ATP6V1C1: variants seen among roughly 807,000 people sequenced by gnomAD.
ATP6V1C1 encodes ATPase H+ transporting V1 subunit C1, also known as V-type proton ATPase subunit C 1.
Under a neutral mutation model 53.9 loss-of-function variants are expected in ATP6V1C1, and 45 were observed. That is an observed-to-expected ratio of 0.83 (90% CI 0.66 to 1.07). The LOEUF (loss-of-function observed/expected upper bound fraction) is 1.07, where lower values mean the gene tolerates loss of function less well. ATP6V1C1 is among the 50% of genes least tolerant of loss of function. The pLI, the probability that ATP6V1C1 is intolerant of heterozygous loss-of-function variation, is 0.00. For missense variants in ATP6V1C1, 315 were observed against 440.3 expected (o/e 0.72, Z 2.55); for synonymous variants, 153 against 155.2 (o/e 0.99, Z 0.11).
At chr8:103,054,330 TTA>T (rs1195664441) in intron 7 of ATP6V1C1, among the ~76,000 whole-genome samples, 1 of 152,056 alleles carries the variant, frequency 6.6e-6, no homozygotes, top group African/African-American at 2.4e-5. Flanking sequence ...GAAAAAATCT[TTA>T]TGACTGGTTA....
At chr8:103,038,884 G>A (rs1032532238) in intron 1 of ATP6V1C1, among the ~76,000 whole-genome samples, 3 of 152,174 alleles carry the variant, frequency 2.0e-5, no homozygotes, top group African/African-American at 7.2e-5. Context: ...ATCCTTGGAT[G>A]GCCAGTTAAG....
chr8:103,032,277 T>A (rs1416288635), intron 1 of ATP6V1C1, among the ~76,000 whole-genome samples: 2 of 152,196 alleles, frequency 1.3e-5, no homozygotes, highest in Non-Finnish European at 2.9e-5. Context: ...CTCCTGAACT[T>A]CATTAGTCCG....
chr8:103,025,728 C>A (rs1586305058), intron 1 of ATP6V1C1, among the ~76,000 whole-genome samples: 1 of 152,160 alleles, frequency 6.6e-6, no homozygotes, highest in South Asian at 2.1e-4. Context: ...GATAACACAT[C>A]TTGTGAGGGA....
intron 1 of ATP6V1C1, among the ~76,000 whole-genome samples, chr8:103,039,013 A>T (rs1486498572): frequency 6.6e-6 from 1 of 152,226 alleles, no homozygotes; most frequent in Non-Finnish European, 1.5e-5. Flanking sequence ...ATAAAGGTTT[A>T]ACTTCATCAG....
intron 8 of ATP6V1C1, among the ~76,000 whole-genome samples, chr8:103,061,047 C>A (rs1817387237): frequency 6.6e-6 from 1 of 152,204 alleles, no homozygotes; most frequent in South Asian, 2.1e-4. Flanking sequence ...TGATCTCAAG[C>A]AGTTCACACA....
At chr8:103,035,458 A>G (rs1223170546) in intron 1 of ATP6V1C1, among the ~76,000 whole-genome samples, 1 of 152,196 alleles carries the variant, frequency 6.6e-6, no homozygotes, top group Non-Finnish European at 1.5e-5. Context: ...AGGATTTCTC[A>G]GTAAGGTGGA....
chr8:103,045,672 T>TG (rs553126003), intron 3 of ATP6V1C1, among the ~76,000 whole-genome samples: 2,068 of 152,322 alleles, frequency 0.014, 17 homozygotes, highest in Middle Eastern at 0.024. Flanking sequence ...CCGGGCATGG[T>TG]GGCTCACGCC....
chr8:103,048,968 T>G lies in ATP6V1C1; in HGVS notation c.286+13T>G. Reference sequence around the variant, plus strand: ...TTGGCTAATGGAGGTAAGCTAATGCTCATGATTGATCATTATTAACTCATA... The same window carrying G: ...TTGGCTAATGGAGGTAAGCTAATGCGCATGATTGATCATTATTAACTCATA... On this transcript the variant is annotated intron_variant, in intron 4 of 12. Transcript: ENST00000518738. 1 of 1,603,750 alleles carries G rather than the reference T, an allele frequency of 6.2e-7. No homozygotes were observed. The highest frequency in any genetic ancestry group is 2.2e-5 in the East Asian group (1 of 44,678).
chr8:103,051,414 AT>A (rs1384924831), intron 5 of ATP6V1C1, among the ~76,000 whole-genome samples: 4 of 152,158 alleles, frequency 2.6e-5, no homozygotes, highest in African/African-American at 7.2e-5. Flanking sequence ...ATTTATACAA[AT>A]TTTAAGGGTA....
chr8:103,023,719 A>G (rs930127173), intron 1 of ATP6V1C1, among the ~76,000 whole-genome samples: 2 of 152,172 alleles, frequency 1.3e-5, no homozygotes, highest in Admixed American at 1.3e-4. Context: ...TATTCATTGT[A>G]TAGATGGGAA....
intron 4 of ATP6V1C1, among the ~76,000 whole-genome samples, chr8:103,049,560 C>G (rs774426516): frequency 2.0e-5 from 3 of 152,172 alleles, no homozygotes; most frequent in Non-Finnish European, 4.4e-5. Context: ...TTTGTACTTG[C>G]ATTTCTTGTT....
At position 103,054,033 on chromosome 8, in the gene ATP6V1C1, G is replaced by A. The variant is rs377593251; in HGVS notation, c.572+51G>A. On this transcript the variant is annotated intron_variant, in intron 7 of 12. Coordinates refer to ENST00000518738, the MANE Select transcript of ATP6V1C1 (RefSeq NM_001695.5). ...TTACTTGTTAAAATACAAGAAAAAT[G>A]TTAGTATCTAGTATTGTAGTTTGAA... 19 of 1,408,738 alleles carry A rather than the reference G, an allele frequency of 1.3e-5. No individual in the cohort carries two copies. The African/African-American group carries it at 2.3e-4, about 17-fold the overall frequency. 87.3% of individuals were successfully genotyped at this position (1,408,738 alleles called of 1,614,324 possible).
chr8:103,041,716 A>G (rs1279839393), intron 2 of ATP6V1C1, among the ~76,000 whole-genome samples: 1 of 152,076 alleles, frequency 6.6e-6, no homozygotes, highest in African/African-American at 2.4e-5. Context: ...TACTAAAAAT[A>G]CAAAAATTAG....
intron 8 of ATP6V1C1, among the ~76,000 whole-genome samples, chr8:103,057,988 A>C (rs1216647709): frequency 6.6e-6 from 1 of 152,210 alleles, no homozygotes; most frequent in Non-Finnish European, 1.5e-5. Flanking sequence ...CTCTGTGTCT[A>C]GGAGGCAGGT....
At chr8:103,050,690 A>G (rs1266753056) in intron 4 of ATP6V1C1, among the ~76,000 whole-genome samples, 1 of 151,340 alleles carries the variant, frequency 6.6e-6, no homozygotes, top group Non-Finnish European at 1.5e-5. Flanking sequence ...TATCAAAGAA[A>G]GAACATACTT....
At chr8:103,040,375 C>T (rs958099673) in intron 1 of ATP6V1C1, among the ~76,000 whole-genome samples, 1 of 150,778 alleles carries the variant, frequency 6.6e-6, no homozygotes, top group Non-Finnish European at 1.5e-5. Context: ...GATTATGCCA[C>T]TGTACTCCAG....
intron 3 of ATP6V1C1, among the ~76,000 whole-genome samples, chr8:103,047,428 G>GCACACACACACA (rs1377123398): frequency 8.5e-6 from 1 of 117,584 alleles, no homozygotes; most frequent in Non-Finnish European, 1.7e-5. Flanking sequence ...AAAAATGCGC[G>GCACACACACACA]CGCACACACA....
In ATP6V1C1 at chr8:103,072,638, T is replaced by G. The variant is rs1817604777; in HGVS notation, c.*3891T>G. ...TCTAGCATAGATAACAATTGATTCT[T>G]TAGATTCATATATGGAGGTAATTCT... is the stretch of plus-strand genomic sequence containing the variant. On this transcript the variant is annotated 3_prime_UTR_variant, in exon 13 of 13. Transcript: ENST00000518738. 1 of 152,240 alleles carries G rather than the reference T, an allele frequency of 6.6e-6. No homozygotes were observed. Among genetic ancestry groups the G allele is most frequent in the Non-Finnish European group, 1.5e-5 (1 of 68,040 alleles). The allele number at this position is 152,240 out of a possible 1,614,324, so 9.4% of individuals were successfully genotyped here.
chr8:103,052,259 TC>T (rs1486479921), intron 5 of ATP6V1C1, among the ~76,000 whole-genome samples: 1 of 152,106 alleles, frequency 6.6e-6, no homozygotes, highest in African/African-American at 2.4e-5. Context: ...TTAGTATTCT[TC>T]TGAGAAAAAC....
Sources: gnomAD v4.1 joint callset for allele counts (sites outside exome capture counted in the v4.1 genomes callset) on GRCh38, gnomAD v4.1.1 for gene constraint, MANE v1.5 for transcripts, NCBI Gene and HGNC (gene_info 2026-07-23, HGNC 2026-07-21) for gene names.